Variants in CNTN1 observed in about 807,000 individuals in gnomAD.
CNTN1 encodes the protein contactin-1.
Under a neutral mutation model 126.4 loss-of-function variants are expected in CNTN1, and 38 were observed. The ratio of observed to expected loss-of-function variants is 0.30; its 90% CI spans 0.23 to 0.39. The LOEUF (loss-of-function observed/expected upper bound fraction) is 0.39. Ranked by LOEUF, CNTN1 falls within the 10% of genes least tolerant of loss-of-function variation. The pLI, the probability that CNTN1 is intolerant of heterozygous loss-of-function variation, is 1.00. For missense variants in CNTN1, 1,009 were observed against 1,248.4 expected, an observed-to-expected ratio of 0.81 and a Z score of 2.89; for synonymous variants, 413 against 422.6, an observed-to-expected ratio of 0.98 and a Z score of 0.28.
chr12:40,880,905 T>C (rs889755479), intron 1 of CNTN1, among the ~76,000 whole-genome samples: 1 of 151,970 alleles, frequency 6.6e-6, no homozygotes, highest in Admixed American at 6.6e-5. Context: ...GGTTTGCTTC[T>C]GAGTAAAGTT....
intron 1 of CNTN1, among the ~76,000 whole-genome samples, chr12:40,841,668 G>T (rs1438763604): frequency 1.5e-5 from 2 of 137,084 alleles, no homozygotes; most frequent in African/African-American, 2.7e-5. Flanking sequence ...TGGAATTGGG[G>T]ACAAAAACCA....
chr12:41,047,413 A>T (rs1949568687), intron 23 of CNTN1, among the ~76,000 whole-genome samples: 1 of 152,112 alleles, frequency 6.6e-6, no homozygotes, highest in South Asian at 2.1e-4. Flanking sequence ...CTCCCTGATG[A>T]CATTGCTCCT....
chr12:40,844,069 ATT>A (rs397957366), intron 1 of CNTN1, among the ~76,000 whole-genome samples: 3 of 84,650 alleles, frequency 3.5e-5, no homozygotes, highest in African/African-American at 8.1e-5. Flanking sequence ...TGGCACAATG[ATT>A]TTTTTTTTTT....
chr12:40,704,033 T>C (rs528034058), intron 1 of CNTN1, among the ~76,000 whole-genome samples: 1 of 151,920 alleles, frequency 6.6e-6, no homozygotes, highest in South Asian at 2.1e-4. Context: ...GCATGACTGG[T>C]TCAAATAACA....
At chr12:40,771,044 T>G (rs1159000528) in intron 1 of CNTN1, among the ~76,000 whole-genome samples, 1 of 152,110 alleles carries the variant, frequency 6.6e-6, no homozygotes, top group African/African-American at 2.4e-5. Context: ...GCATTTTCAT[T>G]TGTTCATAAT....
chr12:40,976,538 A>G (rs571251951), intron 15 of CNTN1, among the ~76,000 whole-genome samples: 1 of 149,944 alleles, frequency 6.7e-6, no homozygotes, highest in African/African-American at 2.4e-5. Context: ...TGGAAACTAA[A>G]AAAAGAAAAA....
chr12:41,053,733 T>C (rs747725024), intron 23 of CNTN1, among the ~76,000 whole-genome samples: 1 of 151,442 alleles, frequency 6.6e-6, no homozygotes, highest in Non-Finnish European at 1.5e-5. Flanking sequence ...AATAATATAA[T>C]GCTAGCTCAT....
intron 5 of CNTN1, 92 bp downstream of exon 5, chr12:40,922,520 T>C (rs1461161683): frequency 1.2e-5 from 14 of 1,196,584 alleles, no homozygotes; most frequent in Non-Finnish European, 1.6e-5. Flanking sequence ...GAGGAAGGCA[T>C]CATAGATGAG....
intron 17 of CNTN1, among the ~76,000 whole-genome samples, chr12:41,002,042 A>C (rs1182840744): frequency 6.6e-6 from 1 of 152,096 alleles, no homozygotes; most frequent in Non-Finnish European, 1.5e-5. Flanking sequence ...CTGTAGAATA[A>C]AGTTGGGCAG....
chr12:40,743,635 T>G (rs1239046244), intron 1 of CNTN1, among the ~76,000 whole-genome samples: 2 of 152,120 alleles, frequency 1.3e-5, no homozygotes, highest in African/African-American at 4.8e-5. Flanking sequence ...TTTGCCCACT[T>G]TGTAATGGGT....
intron 16 of CNTN1, among the ~76,000 whole-genome samples, chr12:40,985,579 T>C (rs571808813): frequency 2.0e-5 from 3 of 152,322 alleles, no homozygotes; most frequent in Admixed American, 6.5e-5. Context: ...AAGTCAGTTA[T>C]TGTTTTAATC....
intron 3 of CNTN1, among the ~76,000 whole-genome samples, chr12:40,914,237 A>G (rs1288357954): frequency 6.6e-6 from 1 of 152,168 alleles, no homozygotes; most frequent in Non-Finnish European, 1.5e-5. Context: ...TAATGCTTAC[A>G]TTACTGGATC....
chr12:40,868,904 A>G (rs1826293871), intron 1 of CNTN1, among the ~76,000 whole-genome samples: 1 of 152,064 alleles, frequency 6.6e-6, no homozygotes, highest in South Asian at 2.1e-4. Flanking sequence ...TATGAATAAA[A>G]TCTCACCCAC....
At chr12:40,923,323 G>A (rs188277027) in intron 5 of CNTN1, among the ~76,000 whole-genome samples, 50 of 151,784 alleles carry the variant, frequency 3.3e-4, no homozygotes, top group African/African-American at 1.2e-3. Context: ...GTTGGACCAG[G>A]TGATCTCCAG....
intron 1 of CNTN1, among the ~76,000 whole-genome samples, chr12:40,833,849 C>T (rs1376950134): frequency 6.6e-6 from 1 of 152,190 alleles, no homozygotes; most frequent in Non-Finnish European, 1.5e-5. Flanking sequence ...CTTTGTCAAA[C>T]AACTAAATCA....
intron 1 of CNTN1, among the ~76,000 whole-genome samples, chr12:40,864,353 G>C (rs1273790897): frequency 6.6e-6 from 1 of 151,756 alleles, no homozygotes; most frequent in East Asian, 1.9e-4. Context: ...ACTTTATTGA[G>C]ATATTATTCA....
At chr12:41,043,862 A>G (rs2120973851) in intron 23 of CNTN1, among the ~76,000 whole-genome samples, 1 of 150,466 alleles carries the variant, frequency 6.6e-6, no homozygotes, top group Admixed American at 6.6e-5. Context: ...ACATGGATGA[A>G]ATTGGAAATC....
At chr12:40,721,099 A>C (rs912876221) in intron 1 of CNTN1, among the ~76,000 whole-genome samples, 2 of 152,138 alleles carry the variant, frequency 1.3e-5, no homozygotes, top group Non-Finnish European at 1.5e-5. Context: ...AAACAAATGC[A>C]TTAGTTGAAT....
intron 6 of CNTN1, among the ~76,000 whole-genome samples, 180 bp from the exon 7 acceptor site, chr12:40,929,616 T>TGGTAATATGTGAAATTGCTTAGTGTA (rs1945812038): frequency 6.6e-6 from 1 of 152,040 alleles, no homozygotes; most frequent in South Asian, 2.1e-4. Context: ...GTAATGCTTA[T>TGGTAATATGTGAAATTGCTTAGTGTA]ATTCATGTGA....
Sources: gnomAD v4.1 joint callset for allele counts (sites outside exome capture counted in the v4.1 genomes callset) on GRCh38, gnomAD v4.1.1 for gene constraint, MANE v1.5 for transcripts, NCBI Gene and HGNC (gene_info 2026-07-23, HGNC 2026-07-21) for gene names.